The following ESRRB variants were observed in gnomAD, a reference collection of about 807,000 sequenced individuals.
ESRRB encodes steroid hormone receptor ERR2.
Under a neutral mutation model 46.0 loss-of-function variants are expected in ESRRB, and 16 were observed. The observed-to-expected ratio is 0.35, with a 90% CI of 0.24 to 0.53. The LOEUF is 0.53. Ranked by LOEUF, ESRRB falls within the 20% of genes least tolerant of loss-of-function variation. The pLI, the probability that ESRRB is intolerant of heterozygous loss-of-function variation, is 0.93. For missense variants in ESRRB, 488 were observed against 607.4 expected (o/e 0.80, Z 2.07); for synonymous variants, 246 against 259.6 (o/e 0.95, Z 0.50).
At chr14:76,326,919 G>A (rs1366381717) in intron 1 of ESRRB, among the ~76,000 whole-genome samples, 1 of 152,262 alleles carries the variant, frequency 6.6e-6, no homozygotes, top group Admixed American at 6.5e-5. Flanking sequence ...CCATCTGCTA[G>A]AGCAGCCACG....
chr14:76,326,732 C>G (rs908147835), intron 1 of ESRRB, among the ~76,000 whole-genome samples: 2 of 152,182 alleles, frequency 1.3e-5, no homozygotes, highest in Admixed American at 1.3e-4. Context: ...TGCACGACTC[C>G]CTCCTCCTCT....
At chr14:76,358,401 A>G (rs1393678569) in intron 1 of ESRRB, among the ~76,000 whole-genome samples, 1 of 129,668 alleles carries the variant, frequency 7.7e-6, no homozygotes, top group South Asian at 2.5e-4. Context: ...GAAAGAAAGA[A>G]AGAAAGAAAG....
At chr14:76,419,722 T>C (rs1886860059) in intron 1 of ESRRB, among the ~76,000 whole-genome samples, 3 of 152,126 alleles carry the variant, frequency 2.0e-5, no homozygotes, top group South Asian at 4.1e-4. Context: ...CCATGAGTTA[T>C]GGTAGTAAAA....
At chr14:76,374,876 G>A (rs905413050), upstream of ESRRB, among the ~76,000 whole-genome samples, 4 of 152,048 alleles carry the variant, frequency 2.6e-5, no homozygotes, top group African/African-American at 7.2e-5. Flanking sequence ...CAACCTGCAC[G>A]AGCACATTTA....
At chr14:76,357,108 A>G (rs560988749) in intron 1 of ESRRB, among the ~76,000 whole-genome samples, 139 of 141,678 alleles carry the variant, frequency 9.8e-4, no homozygotes, top group African/African-American at 1.8e-3. Flanking sequence ...CTCCTCCCCA[A>G]TGAGGGATAA....
upstream of ESRRB, among the ~76,000 whole-genome samples, chr14:76,375,194 A>C (rs1465796862): frequency 2.0e-5 from 3 of 151,394 alleles, no homozygotes; most frequent in African/African-American, 7.3e-5. Flanking sequence ...CAAATTGATT[A>C]TTATCCCTGT....
At chr14:76,474,601 G>T (rs1566606273) in intron 3 of ESRRB, among the ~76,000 whole-genome samples, 1 of 152,158 alleles carries the variant, frequency 6.6e-6, no homozygotes, top group Non-Finnish European at 1.5e-5. Context: ...AGTATTTCGG[G>T]AGGCTGAAGA....
intron 1 of ESRRB, among the ~76,000 whole-genome samples, chr14:76,364,090 C>T (rs1479406191): frequency 1.3e-5 from 2 of 152,162 alleles, no homozygotes; most frequent in Admixed American, 1.3e-4. Flanking sequence ...CCTGCTGCCC[C>T]TGGTCATTGA....
intron 1 of ESRRB, among the ~76,000 whole-genome samples, chr14:76,396,171 CAAACAAAAACAAAAACAA>C (rs36207641): frequency 6.6e-6 from 1 of 150,832 alleles, no homozygotes; most frequent in African/African-American, 2.4e-5. Flanking sequence ...GACTCCGTAT[CAAACAAAAACAAAAACAA>C]AAACAAAAAC....
chr14:76,394,274 C>T (rs1291593539), intron 1 of ESRRB, among the ~76,000 whole-genome samples: 6 of 152,140 alleles, frequency 3.9e-5, no homozygotes, highest in Admixed American at 3.9e-4. Context: ...TGTTTCCCTG[C>T]CTCTGTCGTT....
chr14:76,370,860 A>C (rs1261064713), upstream of ESRRB, among the ~76,000 whole-genome samples: 1 of 152,214 alleles, frequency 6.6e-6, no homozygotes, highest in Non-Finnish European at 1.5e-5. Flanking sequence ...AGGAAGAAAG[A>C]ATCTATGGTA....
At chr14:76,322,400 G>A (rs1236118925) in intron 1 of ESRRB, among the ~76,000 whole-genome samples, 2 of 152,254 alleles carry the variant, frequency 1.3e-5, no homozygotes, top group Admixed American at 6.5e-5. Context: ...AAGTGGCTGC[G>A]TCGCCAGGAG....
chr14:76,489,868 G>A (rs368468287), intron 5 of ESRRB, among the ~76,000 whole-genome samples: 2 of 152,200 alleles, frequency 1.3e-5, no homozygotes, highest in African/African-American at 4.8e-5. Context: ...CAAGTCCAGA[G>A]AGGAGAAGTG....
At chr14:76,388,086 G>T (rs1057050896) in intron 1 of ESRRB, among the ~76,000 whole-genome samples, 1 of 151,934 alleles carries the variant, frequency 6.6e-6, no homozygotes, top group African/African-American at 2.4e-5. Context: ...GCTGGGATTT[G>T]CACAGAGGCT....
chr14:76,434,385 G>T (rs772568409), intron 1 of ESRRB, among the ~76,000 whole-genome samples: 7 of 152,152 alleles, frequency 4.6e-5, no homozygotes, highest in Non-Finnish European at 8.8e-5. Context: ...GGGGGTGGTG[G>T]CCCATCCTGT....
chr14:76,403,871 A>C (rs1886049218), intron 1 of ESRRB, among the ~76,000 whole-genome samples: 1 of 151,982 alleles, frequency 6.6e-6, no homozygotes, highest in Non-Finnish European at 1.5e-5. Context: ...GGCACCCTCC[A>C]CCACGCCCGG....
Position 76,347,434 on chromosome 14 carries a change from T to TGG in ESRRB, c.2+36518_2+36519insGG, listed in dbSNP as rs1392548601. On this transcript the variant is annotated intron_variant, in intron 1 of 6. Coordinates refer to the ESRRB transcript ENST00000512784. ...CATGAAGTGTGTGTGTGTGTGTGTGTCACACACACACACCGAGAAAACTAA... is the reference window on the plus strand; with the variant it reads ...CATGAAGTGTGTGTGTGTGTGTGTGTGGCACACACACACACCGAGAAAACTAA... Among the ~76,000 whole-genome samples the TGG allele has an allele frequency of 4.9e-3, 125 of 25,642 alleles. 3 individuals carry two copies. Among genetic ancestry groups the TGG allele is most frequent in the African/African-American group, 0.012 (122 of 10,230 alleles). The allele number at this position is 25,642 out of a possible 152,430, so 16.8% of individuals were successfully genotyped here.
chr14:76,450,886 T>A (rs1888357043), intron 2 of ESRRB, among the ~76,000 whole-genome samples: 1 of 152,076 alleles, frequency 6.6e-6, no homozygotes, highest in South Asian at 2.1e-4. Context: ...AGTTTCCTCA[T>A]CTCTACAAGA....
At chr14:76,487,020 T>C (rs1261087011) in intron 5 of ESRRB, among the ~76,000 whole-genome samples, 1 of 152,122 alleles carries the variant, frequency 6.6e-6, no homozygotes, top group East Asian at 1.9e-4. Flanking sequence ...TGGGTCGAAA[T>C]TAAGAGTTCC....
Sources: gnomAD v4.1 joint callset for allele counts (sites outside exome capture counted in the v4.1 genomes callset) on GRCh38, gnomAD v4.1.1 for gene constraint, MANE v1.5 for transcripts, NCBI Gene and HGNC (gene_info 2026-07-23, HGNC 2026-07-21) for gene names.